Variants in HHAT observed in about 807,000 individuals in gnomAD.
The protein encoded by HHAT is hedgehog acyltransferase.
HHAT carries 47 observed loss-of-function variants against 70.8 expected under a neutral mutation model. That is an observed-to-expected ratio of 0.66 (90% confidence interval 0.53 to 0.85). HHAT has a LOEUF of 0.85. Among genes scored for constraint, HHAT ranks in the 40% least tolerant of loss-of-function variants. The pLI is 0.00. For missense variants in HHAT, 609 were observed against 604.8 expected (o/e 1.01, Z -0.07); for synonymous variants, 228 against 247.6 (o/e 0.92, Z 0.74).
chr1:210,383,136 T>G (rs1315597225), intron 3 of HHAT, among the ~76,000 whole-genome samples: 1 of 152,112 alleles, frequency 6.6e-6, no homozygotes, highest in Admixed American at 6.6e-5. Flanking sequence ...GGTCAGGAGT[T>G]CGAGACCAGC....
chr1:210,585,072 G>T (rs886328467), intron 9 of HHAT, among the ~76,000 whole-genome samples: 1 of 152,212 alleles, frequency 6.6e-6, no homozygotes. Context: ...ATGCCTTCAA[G>T]TTTAATTGTT....
intron 7 of HHAT, among the ~76,000 whole-genome samples, chr1:210,421,607 G>A (rs1221057227): frequency 6.6e-6 from 1 of 152,074 alleles, no homozygotes; most frequent in African/African-American, 2.4e-5. Flanking sequence ...ACCGTGCCCA[G>A]CTAATTTTTG....
At chr1:210,654,140 G>GCA (rs1253045058) in intron 11 of HHAT, among the ~76,000 whole-genome samples, 3 of 122,996 alleles carry the variant, frequency 2.4e-5, no homozygotes, top group South Asian at 2.5e-4. Context: ...TAGTGTGATG[G>GCA]GAATAGTGTG....
At chr1:210,655,285 CATT>C (rs1311125943) in intron 11 of HHAT, among the ~76,000 whole-genome samples, 1 of 152,198 alleles carries the variant, frequency 6.6e-6, no homozygotes, top group Non-Finnish European at 1.5e-5. Flanking sequence ...GCTAATGCCT[CATT>C]AGTGATTGTC....
intron 9 of HHAT, among the ~76,000 whole-genome samples, chr1:210,583,267 A>G (rs1659673889): frequency 6.6e-6 from 1 of 152,214 alleles, no homozygotes; most frequent in East Asian, 1.9e-4. Context: ...ATGCTTTTAA[A>G]TTAAGAAGGT....
intron 11 of HHAT, among the ~76,000 whole-genome samples, chr1:210,635,087 A>G (rs900740005): frequency 7.9e-5 from 12 of 152,202 alleles, no homozygotes; most frequent in African/African-American, 2.7e-4. Context: ...TCTAGCTATC[A>G]CTTGCCTTAA....
intron 7 of HHAT, among the ~76,000 whole-genome samples, chr1:210,455,509 A>C (rs2093845676): frequency 6.6e-6 from 1 of 151,960 alleles, no homozygotes; most frequent in Non-Finnish European, 1.5e-5. Flanking sequence ...GGTCAGCTTC[A>C]CACAGGCTCT....
chr1:210,332,384 A>G lies in HHAT; in HGVS notation c.-44+3280A>G, dbSNP rs866000258. Among the ~76,000 whole-genome samples the G allele has an allele frequency of 2.0e-5, 3 of 152,238 alleles. No individual in the cohort carries two copies. In the South Asian group the frequency reaches 6.2e-4, roughly 32 times the overall value. On this transcript the variant is annotated intron_variant, in intron 1 of 11. Transcript: ENST00000261458. ...ATCCTCCTGAAAACTGTATCACAAA[A>G]AAACAAGCATTGTTGCCTTGTCAAC...
At chr1:210,471,385 A>C (rs1372946351) in intron 8 of HHAT, among the ~76,000 whole-genome samples, 1 of 152,000 alleles carries the variant, frequency 6.6e-6, no homozygotes, top group East Asian at 1.9e-4. Context: ...TTATTTTATC[A>C]GATGTTGTGC....
intron 11 of HHAT, among the ~76,000 whole-genome samples, chr1:210,645,985 C>G (rs4387238): frequency 1.3e-5 from 2 of 152,314 alleles, no homozygotes; most frequent in Non-Finnish European, 2.9e-5. Flanking sequence ...CCCTGCAGTT[C>G]TGCAACTGGG....
chr1:210,504,907 T>A (rs1262690186), intron 8 of HHAT, among the ~76,000 whole-genome samples: 1 of 148,446 alleles, frequency 6.7e-6, no homozygotes, highest in Non-Finnish European at 1.5e-5. Context: ...TTATTCTTTT[T>A]TTTTTTTTTT....
intron 3 of HHAT, among the ~76,000 whole-genome samples, chr1:210,381,210 C>G (rs1202994368): frequency 2.6e-5 from 4 of 151,884 alleles, no homozygotes; most frequent in African/African-American, 9.7e-5. Context: ...TATGAAGCAG[C>G]ATATACTAGA....
chr1:210,459,242 G>A (rs1458284066), intron 7 of HHAT, among the ~76,000 whole-genome samples: 1 of 152,120 alleles, frequency 6.6e-6, no homozygotes, highest in East Asian at 1.9e-4. Context: ...TGATTTGGTG[G>A]CAGGTCTGAA....
chr1:210,418,917 C>T (rs1008389128), intron 7 of HHAT, among the ~76,000 whole-genome samples: 1 of 152,040 alleles, frequency 6.6e-6, no homozygotes, highest in Admixed American at 6.6e-5. Flanking sequence ...CCTGTAATCC[C>T]AGCTACTCGA....
chr1:210,496,009 T>TAAAAAAA (rs1558023804), intron 8 of HHAT, among the ~76,000 whole-genome samples: 1 of 14,968 alleles, frequency 6.7e-5, no homozygotes, highest in African/African-American at 3.2e-4. Flanking sequence ...AAACTCTATC[T>TAAAAAAA]CAAAAAAAAA....
chr1:210,424,608 T>C (rs1195569730), intron 7 of HHAT, among the ~76,000 whole-genome samples: 2 of 151,774 alleles, frequency 1.3e-5, no homozygotes, highest in African/African-American at 4.8e-5. Flanking sequence ...CTCCACCCCG[T>C]GATAGGCCCC....
chr1:210,624,776 C>T (rs1246447000), intron 11 of HHAT, among the ~76,000 whole-genome samples: 1 of 152,172 alleles, frequency 6.6e-6, no homozygotes, highest in Non-Finnish European at 1.5e-5. Context: ...AGATTTGGAA[C>T]TACTCATGGT....
intron 8 of HHAT, among the ~76,000 whole-genome samples, chr1:210,490,880 A>T (rs534086225): frequency 3.3e-5 from 5 of 152,318 alleles, no homozygotes; most frequent in Non-Finnish European, 5.9e-5. Flanking sequence ...TGTTTCAACT[A>T]TGAAATTGCA....
chr1:210,386,374 G>A (rs2091073362), intron 3 of HHAT, among the ~76,000 whole-genome samples: 1 of 148,238 alleles, frequency 6.7e-6, no homozygotes, highest in Non-Finnish European at 1.5e-5. Context: ...AAGTAGCTGG[G>A]ACTACAGGCG....
Sources: allele counts gnomAD v4.1 joint callset (sites outside exome capture counted in the v4.1 genomes callset), GRCh38; gene constraint gnomAD v4.1.1; transcripts MANE v1.5; gene names NCBI Gene and HGNC (gene_info 2026-07-23, HGNC 2026-07-21).